Variants in LRP2 observed in about 807,000 individuals in gnomAD.
LRP2 encodes the protein LDL receptor related protein 2.
A neutral mutation model predicts 531.0 loss-of-function variants in LRP2; 172 were observed. That is an observed-to-expected ratio of 0.32 (90% CI 0.29 to 0.37). The LOEUF is 0.37. LRP2 is among the 10% of genes least tolerant of loss of function. LRP2 has a pLI of 1.00. For synonymous variants in LRP2, 1,992 were observed against 2,027.6 expected (o/e 0.98, Z 0.47); for missense variants, 5,167 against 5,868.3 (o/e 0.88, Z 3.90).
At chr2:169,186,592 T>C (rs149500523) in intron 49 of LRP2, among the ~76,000 whole-genome samples, 2 of 152,318 alleles carry the variant, frequency 1.3e-5, no homozygotes, top group Non-Finnish European at 2.9e-5. Flanking sequence ...AGATTAAAAC[T>C]TCATGCATTG....
At chr2:169,219,732 G>C (rs1009107154) in intron 34 of LRP2, among the ~76,000 whole-genome samples, 1 of 151,984 alleles carries the variant, frequency 6.6e-6, no homozygotes, top group African/African-American at 2.4e-5. Context: ...ACTAACTATT[G>C]GGTACTATGC....
chr2:169,319,242 G>A (rs914665377), intron 2 of LRP2, among the ~76,000 whole-genome samples: 1 of 152,148 alleles, frequency 6.6e-6, no homozygotes. Context: ...ATAACTAATA[G>A]TAAAGTATCA....
At chr2:169,336,068 CT>C (rs1685396069) in intron 1 of LRP2, among the ~76,000 whole-genome samples, 1 of 150,092 alleles carries the variant, frequency 6.7e-6, no homozygotes, top group Admixed American at 6.6e-5. Context: ...ATTCTCTAAA[CT>C]TTCTCTTATA....
intron 38 of LRP2, 62 bp from the exon 39 acceptor site, chr2:169,207,312 C>T: frequency 8.3e-7 from 1 of 1,207,516 alleles, no homozygotes; most frequent in Non-Finnish European, 1.2e-6. Context: ...AAAGGGAGAA[C>T]TTTACAAATT....
chr2:169,327,198 C>T (rs1202076088), intron 1 of LRP2, among the ~76,000 whole-genome samples: 1 of 135,102 alleles, frequency 7.4e-6, no homozygotes, highest in African/African-American at 3.0e-5. Flanking sequence ...GGTCAGCCCC[C>T]CGCCTGGCCA....
At chr2:169,137,093 C>T (rs1201663910) in intron 76 of LRP2, among the ~76,000 whole-genome samples, 6 of 152,226 alleles carry the variant, frequency 3.9e-5, no homozygotes, top group Non-Finnish European at 7.3e-5. Flanking sequence ...TTCCCAGGCC[C>T]CTGAAGGGAC....
intron 16 of LRP2, among the ~76,000 whole-genome samples, chr2:169,263,431 C>T (rs532652196): frequency 5.9e-5 from 9 of 151,282 alleles, no homozygotes; most frequent in African/African-American, 1.2e-4. Context: ...AAAAAGTGGG[C>T]AAAGGATATG....
intron 1 of LRP2, among the ~76,000 whole-genome samples, chr2:169,349,906 A>C (rs1685799650): frequency 1.3e-5 from 2 of 152,172 alleles, no homozygotes. Context: ...ACCCAACTTG[A>C]GTATGACAGA....
At chr2:169,140,402 A>G in intron 72 of LRP2, 53 bp downstream of exon 72, 1 of 1,444,888 alleles carries the variant, frequency 6.9e-7, no homozygotes, top group Non-Finnish European at 9.7e-7. Context: ...AAGGTCTCAA[A>G]TTTCCCCAGA....
At position 169,233,542 on chromosome 2, in the gene LRP2, T is replaced by G; in HGVS notation, c.4967A>C (p.Tyr1656Ser). The change falls in exon 30 of 79, where the codon TAC (tyrosine) becomes TCC (serine). Residue 1656 changes from tyrosine (Y) to serine (S), a missense_variant. Tyr to Ser is a moderately radical substitution (Grantham distance 144). This residue lies in a region of LRP2 where 2,811 missense variants were observed against 3,058.0 expected (regional missense o/e 0.92). Transcript: ENST00000649046. ...CCGACGAGTAGCACGGTCAGTCCAG[T>G]ACACAGAGTCTTCAAAGAGAGTTAG... ...YALTLFEDSV[Y>S]WTDRATRRVM... 1 of 1,614,118 alleles carries G rather than the reference T, an allele frequency of 6.2e-7. No individual in the cohort carries two copies. Among genetic ancestry groups the G allele is most frequent in the Non-Finnish European group, 8.5e-7 (1 of 1,180,030 alleles).
chr2:169,316,365 A>G (rs926463498), intron 3 of LRP2, among the ~76,000 whole-genome samples: 5 of 152,118 alleles, frequency 3.3e-5, no homozygotes, highest in African/African-American at 1.2e-4. Context: ...CTTTCCTGTC[A>G]CTTACAGCAA....
intron 27 of LRP2, 36 bp downstream of exon 27, chr2:169,238,055 A>C: frequency 6.3e-7 from 1 of 1,575,868 alleles, no homozygotes; most frequent in Non-Finnish European, 8.7e-7. Flanking sequence ...AGACAGAGGA[A>C]CTAGCCAGGC....
Position 169,146,015 on chromosome 2 carries a change from C to T in LRP2, c.12812-92G>A, listed in dbSNP as rs777494030. On this transcript the variant is annotated intron_variant, in intron 69 of 78. Transcript: ENST00000649046. The stretch of plus-strand genomic sequence containing the variant: ...CGCCACTTCTAGATCTGATGTCATT[C>T]TGCTTGAATTATTCCCTCATACAAT... 1.2e-4 allele frequency: 141 copies of T among 1,157,612 alleles called. 1 individual carries two copies. The highest frequency in any genetic ancestry group is 2.3e-4 in the Admixed American group (12 of 53,294). The allele number at this position is 1,157,612 out of a possible 1,614,324, so 71.7% of individuals were successfully genotyped here.
intron 47 of LRP2, among the ~76,000 whole-genome samples, chr2:169,192,925 T>C (rs573981780): frequency 2.2e-4 from 34 of 152,222 alleles, no homozygotes; most frequent in Admixed American, 5.2e-4. Context: ...CAGGGAGCCA[T>C]TGAGTCTATT....
chr2:169,149,514 C>T (rs1686045669), intron 68 of LRP2, among the ~76,000 whole-genome samples: 1 of 152,096 alleles, frequency 6.6e-6, no homozygotes, highest in African/African-American at 2.4e-5. Context: ...CTGAGCCATT[C>T]CAGAGAGAAA....
At chr2:169,303,364 C>T (rs2105485946) in intron 4 of LRP2, among the ~76,000 whole-genome samples, 1 of 152,292 alleles carries the variant, frequency 6.6e-6, no homozygotes, top group Non-Finnish European at 1.5e-5. Context: ...CCTACTCTTA[C>T]ATCTTGATAA....
chr2:169,232,621 C>T (rs146112931), intron 30 of LRP2, among the ~76,000 whole-genome samples: 94 of 152,092 alleles, frequency 6.2e-4, no homozygotes, highest in African/African-American at 2.2e-3. Context: ...TTAGGTAGAG[C>T]GGTCAATGAG....
At chr2:169,203,377 C>G (rs1280697570) in intron 42 of LRP2, among the ~76,000 whole-genome samples, 1 of 152,150 alleles carries the variant, frequency 6.6e-6, no homozygotes, top group Non-Finnish European at 1.5e-5. Context: ...TAAGGAAGGC[C>G]AGCTCATTGA....
intron 61 of LRP2, among the ~76,000 whole-genome samples, chr2:169,166,592 C>A (rs982339718): frequency 1.5e-4 from 23 of 152,214 alleles, no homozygotes; most frequent in African/African-American, 2.4e-5. Context: ...AGAGTCTCTA[C>A]CGCATGAGTC....
Sources: gnomAD v4.1 joint callset for allele counts (sites outside exome capture counted in the v4.1 genomes callset) on GRCh38, gnomAD v4.1.1 for gene constraint, gnomAD v4.1.1 regional missense constraint, MANE v1.5 for transcripts, NCBI Gene and HGNC (gene_info 2026-07-23, HGNC 2026-07-21) for gene names.